CLEC9A: variants seen among roughly 807,000 people sequenced by gnomAD.
CLEC9A encodes C-type lectin domain family 9 member A.
In CLEC9A, 24 loss-of-function variants were observed where a neutral mutation model predicts 30.0. The observed-to-expected ratio is 0.80, with a 90% CI of 0.58 to 1.13. The LOEUF is 1.13. Ranked by LOEUF, CLEC9A falls within the 50% of genes most tolerant of loss-of-function variation. The pLI is 0.00. For missense variants in CLEC9A, 251 were observed against 280.9 expected, an observed-to-expected ratio of 0.89 and a Z score of 0.76; for synonymous variants, 111 against 96.8, an observed-to-expected ratio of 1.15 and a Z score of -0.86.
intron 5 of CLEC9A, 41 bp from the exon 6 acceptor site, chr12:10,061,081 TATAAA>T: frequency 6.3e-7 from 1 of 1,591,316 alleles, no homozygotes; most frequent in Non-Finnish European, 8.5e-7. Context: ...ATTATTTTGC[TATAAA>T]ATGTCAGGAT....
At chr12:10,055,610 A>T (rs1865934970) in intron 5 of CLEC9A, among the ~76,000 whole-genome samples, 1 of 152,210 alleles carries the variant, frequency 6.6e-6, no homozygotes, top group Admixed American at 6.5e-5. Context: ...AACAAAATTA[A>T]CTGAAGATGC....
intron 6 of CLEC9A, 33 bp downstream of exon 6, chr12:10,061,306 A>C (rs769481548): frequency 6.4e-7 from 1 of 1,568,374 alleles, no homozygotes. Flanking sequence ...CACTGTATAC[A>C]TCTAAATATA....
intron 6 of CLEC9A, 96 bp from the exon 7 acceptor site, chr12:10,062,959 C>A: frequency 9.9e-7 from 1 of 1,011,380 alleles, no homozygotes; most frequent in South Asian, 1.9e-5. Flanking sequence ...TTATGAGATT[C>A]AGCCTCACTG....
At chr12:10,037,076 A>G (rs1476299066) in intron 1 of CLEC9A, among the ~76,000 whole-genome samples, 1 of 152,238 alleles carries the variant, frequency 6.6e-6, no homozygotes, top group Non-Finnish European at 1.5e-5. Context: ...AGTAAACATT[A>G]AAACAAATGT....
At position 10,054,436 on chromosome 12, in the gene CLEC9A, T is replaced by C. The variant is rs901673604; in HGVS notation, c.172+85T>C. ...TATAAATGGATGGAAAATCAATTCA[T>C]ATGTGAATGCACATAAATGATATAA... On this transcript the variant is annotated intron_variant, in intron 5 of 8. Coordinates refer to ENST00000355819, the MANE Select transcript of CLEC9A (RefSeq NM_207345.4). The C allele has an allele frequency of 9.4e-5, 80 of 851,372 alleles. No homozygotes were observed. The African/African-American group carries it at 1.3e-3, about 14-fold the overall frequency. 52.7% of individuals were successfully genotyped at this position (851,372 alleles called of 1,614,324 possible). A position where few individuals can be genotyped will look rare whatever the true frequency, so the allele number is the denominator to read the frequency against.
chr12:10,036,200 T>C (rs988806332), intron 1 of CLEC9A, among the ~76,000 whole-genome samples: 3 of 152,234 alleles, frequency 2.0e-5, no homozygotes, highest in Admixed American at 2.0e-4. Context: ...GCCATAATTT[T>C]GGTCTGATAG....
chr12:10,056,670 G>T (rs1256048368), intron 5 of CLEC9A, among the ~76,000 whole-genome samples: 1 of 152,074 alleles, frequency 6.6e-6, no homozygotes. Context: ...AAATAGTGAC[G>T]ATGAGGAGAA....
chr12:10,047,190 T>C (rs912061859), intron 2 of CLEC9A, among the ~76,000 whole-genome samples: 2 of 152,250 alleles, frequency 1.3e-5, no homozygotes, highest in African/African-American at 4.8e-5. Flanking sequence ...AATGTATTAT[T>C]ATTTTCTTAT....
Position 10,041,501 on chromosome 12 carries a change from A to G in CLEC9A, c.-282A>G, listed in dbSNP as rs949442671. 1.3e-5 allele frequency: 6 copies of G among 477,872 alleles called. No individual in the cohort carries two copies. Among genetic ancestry groups the G allele is most frequent in the Non-Finnish European group, 2.5e-5 (6 of 241,118 alleles). 29.6% of individuals were successfully genotyped at this position (477,872 alleles called of 1,614,324 possible). A position where few individuals can be genotyped will look rare whatever the true frequency, so the allele number is the denominator to read the frequency against. ...ACGCAGCCCCTGTGATGCCAACTGG[A>G]CATATTATGGAGATAGCTGCTATGG... On this transcript the variant is annotated 5_prime_UTR_variant, in exon 2 of 9. Coordinates refer to ENST00000355819, the MANE Select transcript of CLEC9A (RefSeq NM_207345.4).
chr12:10,042,821 T>G (rs921775244), intron 2 of CLEC9A, among the ~76,000 whole-genome samples: 1 of 152,204 alleles, frequency 6.6e-6, no homozygotes, highest in Non-Finnish European at 1.5e-5. Context: ...AACCAAACCA[T>G]GTAGAGTTTT....
At chr12:10,036,155 C>G (rs1865742744) in intron 1 of CLEC9A, among the ~76,000 whole-genome samples, 1 of 148,768 alleles carries the variant, frequency 6.7e-6, no homozygotes, top group African/African-American at 2.6e-5. Flanking sequence ...CACATTTTTC[C>G]CTTCATTTTC....
At position 10,048,190 on chromosome 12, in the gene CLEC9A, G is replaced by A. The variant is rs560247188; in HGVS notation, c.-162-3801G>A. On this transcript the variant is annotated intron_variant, in intron 2 of 8. Coordinates refer to ENST00000355819, the MANE Select transcript of CLEC9A (RefSeq NM_207345.4). The stretch of plus-strand genomic sequence containing the variant: ...GGAGCTTGCAGTGAGCCGAGATTGC[G>A]CCACTGCAGTCCGCAGTCCGGCCTG... 2.0e-3 allele frequency among the ~76,000 whole-genome samples: 300 copies of A among 150,074 alleles called. 1 individual carries two copies. Among genetic ancestry groups the A allele is most frequent in the African/African-American group, 3.0e-3 (124 of 40,758 alleles).
rs200145344 is a variant in CLEC9A, at chr12:10,061,280, G to C, written c.319+7G>C. ...CAAAACTCATTAAGTTCAGGTAATG[G>C]ATAAAAATCAGTTTCCACTGTATAC... On this transcript the variant is annotated splice_region_variant and intron_variant, in intron 6 of 8. Coordinates refer to ENST00000355819, the MANE Select transcript of CLEC9A (RefSeq NM_207345.4). 1.2e-4 allele frequency: 192 copies of C among 1,602,628 alleles called. No individual in the cohort carries two copies. Among genetic ancestry groups the C allele is most frequent in the Non-Finnish European group, 1.6e-4 (190 of 1,176,366 alleles).
At chr12:10,063,924 C>G (rs528942896) in intron 7 of CLEC9A, among the ~76,000 whole-genome samples, 56 of 152,242 alleles carry the variant, frequency 3.7e-4, no homozygotes, top group African/African-American at 1.3e-3. Context: ...AGGAGAATTA[C>G]TTGAACCCAG....
intron 1 of CLEC9A, among the ~76,000 whole-genome samples, chr12:10,036,880 C>T (rs983487110): frequency 2.6e-5 from 4 of 151,986 alleles, no homozygotes; most frequent in Admixed American, 6.6e-5. Context: ...TGATAATGCC[C>T]GTCATACATA....
intron 2 of CLEC9A, among the ~76,000 whole-genome samples, chr12:10,049,270 G>C (rs1489102303): frequency 1.3e-5 from 2 of 152,148 alleles, no homozygotes; most frequent in East Asian, 3.9e-4. Context: ...AGAATAGGCA[G>C]GGTATATTTA....
At position 10,065,675 on chromosome 12, in the gene CLEC9A, G is replaced by A. The variant is rs761811542; in HGVS notation, c.*43G>A. 1.9e-6 allele frequency: 3 copies of A among 1,597,314 alleles called. No individual in the cohort carries two copies. The highest frequency in any genetic ancestry group is 1.7e-5 in the Admixed American group (1 of 58,300). On this transcript the variant is annotated 3_prime_UTR_variant, in exon 9 of 9. Coordinates refer to ENST00000355819, the MANE Select transcript of CLEC9A (RefSeq NM_207345.4). ...GTGTTCTATTACACTGTTATTTGGA[G>A]CATGCCATTGGAAAACCCACCCCCA...
chr12:10,063,447 GTTAAT>G (rs1030143894), intron 7 of CLEC9A, among the ~76,000 whole-genome samples: 2 of 152,144 alleles, frequency 1.3e-5, no homozygotes, highest in Non-Finnish European at 2.9e-5. Context: ...TATGTCCTTG[GTTAAT>G]TAAAAAGAGG....
intron 2 of CLEC9A, among the ~76,000 whole-genome samples, chr12:10,048,201 CCGCAG>C: frequency 1.3e-5 from 2 of 150,426 alleles, no homozygotes; most frequent in African/African-American, 4.9e-5. Flanking sequence ...CCACTGCAGT[CCGCAG>C]TCCGGCCTGG....
Sources: gnomAD v4.1 joint callset for allele counts (sites outside exome capture counted in the v4.1 genomes callset) on GRCh38, gnomAD v4.1.1 for gene constraint, MANE v1.5 for transcripts, NCBI Gene and HGNC (gene_info 2026-07-23, HGNC 2026-07-21) for gene names.